CREBBP: variants seen among roughly 807,000 people sequenced by gnomAD.
The protein encoded by CREBBP is CREB-binding protein.
In CREBBP, 19 loss-of-function variants were observed where a neutral mutation model predicts 265.0. That is an observed-to-expected ratio of 0.07 (90% CI 0.05 to 0.11). The LOEUF (loss-of-function observed/expected upper bound fraction) is 0.11. Ranked by LOEUF, CREBBP falls within the 10% of genes least tolerant of loss-of-function variation. The pLI, the probability that CREBBP is intolerant of heterozygous loss-of-function variation, is 1.00. For synonymous variants in CREBBP, 1,457 were observed against 1,223.7 expected, an observed-to-expected ratio of 1.19 and a Z score of -3.98; for missense variants, 2,525 against 3,219.0, an observed-to-expected ratio of 0.78 and a Z score of 5.22.
At position 3,842,967 on chromosome 16, in the gene CREBBP, C is replaced by CAAAAA. The variant is rs59990532; in HGVS notation, c.798+7325_798+7329dup. On this transcript the variant is annotated intron_variant, in intron 2 of 30. Coordinates refer to ENST00000262367, the MANE Select transcript of CREBBP (RefSeq NM_004380.3). ...GGCAAAAAGAGCGAAACTCCCATCT[C>CAAAAA]AAAAAAAAAAAAAAAAAAAAAAAAA... is the stretch of plus-strand genomic sequence containing the variant. Among the ~76,000 whole-genome samples the CAAAAA allele has an allele frequency of 4.0e-3, 261 of 65,206 alleles. 7 individuals carry two copies. The highest frequency in any genetic ancestry group is 0.014 in the African/African-American group (218 of 15,676). 42.8% of individuals were successfully genotyped at this position (65,206 alleles called of 152,430 possible).
At chr16:3,767,049 T>C (rs2052870964) in intron 16 of CREBBP, among the ~76,000 whole-genome samples, 1 of 152,166 alleles carries the variant, frequency 6.6e-6, no homozygotes, top group Non-Finnish European at 1.5e-5. Context: ...CTGAGTCCTG[T>C]CTCCCATTTC....
chr16:3,839,344 TTAA>T (rs969554081), intron 2 of CREBBP, among the ~76,000 whole-genome samples: 15 of 152,092 alleles, frequency 9.9e-5, no homozygotes, highest in African/African-American at 3.4e-4. Context: ...GTCAATCCAT[TTAA>T]TATACATATG....
chr16:3,871,231 A>C (rs1241302928), intron 1 of CREBBP, among the ~76,000 whole-genome samples: 1 of 143,526 alleles, frequency 7.0e-6, no homozygotes, highest in Non-Finnish European at 1.5e-5. Context: ...ACACACACAC[A>C]CACCCCACCC....
intron 20 of CREBBP, 119 bp from the exon 21 acceptor site, chr16:3,749,802 C>A: frequency 1.5e-6 from 1 of 650,494 alleles, no homozygotes; most frequent in South Asian, 1.8e-5. Flanking sequence ...ACATGATGGC[C>A]CCTTAAAATC....
At chr16:3,825,778 C>CA (rs2054225173) in intron 2 of CREBBP, among the ~76,000 whole-genome samples, 1 of 151,948 alleles carries the variant, frequency 6.6e-6, no homozygotes, top group Non-Finnish European at 1.5e-5. Context: ...TTATAAGAGA[C>CA]AAAGTTTTCA....
chr16:3,750,350 G>A lies in CREBBP; in HGVS notation c.3780-667C>T, dbSNP rs542008363. 5.9e-5 allele frequency among the ~76,000 whole-genome samples: 9 copies of A among 152,294 alleles called. No homozygotes were observed. The South Asian group carries it at 1.9e-3, about 32-fold the overall frequency. The stretch of plus-strand genomic sequence containing the variant: ...TAGGTTTTTTCTGCATTTGAACAAA[G>A]AAAATGGTAGAGCGTAAGTGCCTAC... On this transcript the variant is annotated intron_variant, in intron 20 of 30. Coordinates refer to ENST00000262367, the MANE Select transcript of CREBBP (RefSeq NM_004380.3).
intron 1 of CREBBP, among the ~76,000 whole-genome samples, chr16:3,869,439 T>C (rs1482785933): frequency 1.3e-5 from 2 of 152,236 alleles, no homozygotes; most frequent in African/African-American, 4.8e-5. Context: ...GAGTCTTGCA[T>C]CTTTAAAAGA....
intron 26 of CREBBP, among the ~76,000 whole-genome samples, chr16:3,737,207 T>C (rs1214507214): frequency 1.3e-5 from 2 of 152,222 alleles, no homozygotes; most frequent in Admixed American, 1.3e-4. Context: ...CCTCATTCAT[T>C]CTGTTCAAGA....
intron 2 of CREBBP, among the ~76,000 whole-genome samples, chr16:3,823,533 T>C (rs1031968892): frequency 4.0e-5 from 6 of 151,788 alleles, no homozygotes; most frequent in Non-Finnish European, 4.4e-5. Flanking sequence ...GGAAAGAAAA[T>C]AGAAACAAAC....
intron 3 of CREBBP, among the ~76,000 whole-genome samples, chr16:3,801,687 C>T (rs1384136193): frequency 2.0e-5 from 3 of 152,002 alleles, no homozygotes; most frequent in Admixed American, 6.6e-5. Context: ...AACAGAAGAA[C>T]GGGGTAACAG....
At chr16:3,751,827 C>T (rs1296034761) in intron 19 of CREBBP, 21 bp from the exon 20 acceptor site, 2 of 1,612,006 alleles carry the variant, frequency 1.2e-6, no homozygotes, top group Non-Finnish European at 1.7e-6. Context: ...GAAGGCCATA[C>T]TTGGGTGAAC....
intron 2 of CREBBP, among the ~76,000 whole-genome samples, chr16:3,818,199 C>T (rs2054073836): frequency 6.6e-6 from 1 of 152,012 alleles, no homozygotes; most frequent in Non-Finnish European, 1.5e-5. Flanking sequence ...GGGAGGAGGA[C>T]GGCCAGAAAT....
intron 2 of CREBBP, among the ~76,000 whole-genome samples, chr16:3,849,442 T>TGTG (rs1567360484): frequency 0.011 from 199 of 18,694 alleles, 11 homozygotes; most frequent in Non-Finnish European, 0.029. Flanking sequence ...TGTGTGTGTG[T>TGTG]GTGTGTGTGT....
rs780739661 is a variant in CREBBP, at chr16:3,745,372, C to T, written c.3837-18G>A. The T allele has an allele frequency of 2.2e-5, 35 of 1,612,634 alleles. No homozygotes were observed. In the Admixed American group the frequency reaches 4.7e-4, roughly 22 times the overall value. ...CAACGAAACTAGGAGGCAAAGAAGG[C>T]GCACTGTTAAAGCACACGGAACCAC... On this transcript the variant is annotated intron_variant, in intron 21 of 30. Transcript: ENST00000262367.
intron 28 of CREBBP, among the ~76,000 whole-genome samples, chr16:3,735,285 T>A (rs1408281570): frequency 2.0e-5 from 3 of 152,102 alleles, no homozygotes; most frequent in Non-Finnish European, 4.4e-5. Context: ...GCCACTCCCT[T>A]GGGGGCGGAG....
chr16:3,866,179 T>A (rs1466851477), intron 1 of CREBBP, among the ~76,000 whole-genome samples: 5 of 152,178 alleles, frequency 3.3e-5, no homozygotes, highest in Admixed American at 6.5e-5. Flanking sequence ...TTCGAAAGTA[T>A]TTTTTTCTAA....
chr16:3,749,856 T>G (rs129981), intron 20 of CREBBP, among the ~76,000 whole-genome samples, 173 bp from the exon 21 acceptor site: 2 of 152,210 alleles, frequency 1.3e-5, no homozygotes, highest in South Asian at 4.1e-4. Flanking sequence ...TTTAATTTCG[T>G]AGAACACTAC....
intron 2 of CREBBP, among the ~76,000 whole-genome samples, chr16:3,833,565 T>A (rs1174307009): frequency 6.6e-6 from 1 of 152,196 alleles, no homozygotes; most frequent in East Asian, 1.9e-4. Context: ...TTCTAAGACA[T>A]CTTATAGAAT....
intron 3 of CREBBP, 58 bp from the exon 4 acceptor site, chr16:3,793,684 CATTA>C (rs1189959054): frequency 6.3e-7 from 1 of 1,577,208 alleles, no homozygotes; most frequent in Non-Finnish European, 8.6e-7. Flanking sequence ...AAGTCATATT[CATTA>C]ATTATTTCTC....
Sources: allele counts gnomAD v4.1 joint callset (sites outside exome capture counted in the v4.1 genomes callset), GRCh38; gene constraint gnomAD v4.1.1; transcripts MANE v1.5; gene names NCBI Gene and HGNC (gene_info 2026-07-23, HGNC 2026-07-21).